Variants in ATF3 observed in about 807,000 individuals in gnomAD.
ATF3 encodes cyclic AMP-dependent transcription factor ATF-3.
ATF3 carries 10 observed loss-of-function variants against 18.4 expected under a neutral mutation model. That is an observed-to-expected ratio of 0.54 (90% confidence interval 0.34 to 0.92). ATF3 has a LOEUF of 0.92. ATF3 is among the 40% of genes least tolerant of loss of function. ATF3 has a pLI of 0.02. For synonymous variants in ATF3, 78 were observed against 87.9 expected (o/e 0.89, Z 0.63); for missense variants, 183 against 222.3 (o/e 0.82, Z 1.12).
chr1:212,603,513 C>A (rs1174973192), intron 1 of ATF3, among the ~76,000 whole-genome samples: 4 of 152,096 alleles, frequency 2.6e-5, no homozygotes, highest in Non-Finnish European at 4.4e-5. Context: ...ATTCTTTAAC[C>A]CCATTTAAGC....
At chr1:212,617,949 G>A (rs1201154409) in intron 2 of ATF3, among the ~76,000 whole-genome samples, 178 bp from the exon 3 acceptor site, 1 of 13,092 alleles carries the variant, frequency 7.6e-5, no homozygotes, top group Non-Finnish European at 2.7e-4. Flanking sequence ...GTGTGTGCGT[G>A]TGTGTGTGTG....
intron 1 of ATF3, among the ~76,000 whole-genome samples, chr1:212,597,386 G>A (rs752505090): frequency 2.0e-5 from 3 of 151,768 alleles, no homozygotes; most frequent in Admixed American, 6.6e-5. Context: ...TTACTAATGT[G>A]TTGTTATATT....
At chr1:212,609,381 G>A (rs568775324) in intron 1 of ATF3, among the ~76,000 whole-genome samples, 4 of 147,934 alleles carry the variant, frequency 2.7e-5, no homozygotes, top group Non-Finnish European at 6.1e-5. Context: ...CGGGTGGGGG[G>A]GGGGGGGCGC....
intron 1 of ATF3, 32 bp from the exon 2 acceptor site, chr1:212,614,986 T>C: frequency 6.2e-7 from 1 of 1,614,152 alleles, no homozygotes; most frequent in Middle Eastern, 1.6e-4. Context: ...CCAGAGCCCC[T>C]GAAACAGTTT....
At chr1:212,577,274 C>CT (rs34005217) in intron 1 of ATF3, among the ~76,000 whole-genome samples, 1 of 151,962 alleles carries the variant, frequency 6.6e-6, no homozygotes, top group South Asian at 2.1e-4. Flanking sequence ...TCTCTTTAAC[C>CT]TTTTTTTAAC....
In ATF3 at chr1:212,618,756, C is replaced by T. The variant is rs150433759; in HGVS notation, c.348+522C>T. 171 of 514,826 alleles carry T rather than the reference C, an allele frequency of 3.3e-4. No individual in the cohort carries two copies. Among genetic ancestry groups the T allele is most frequent in the African/African-American group, 2.6e-3 (135 of 52,166 alleles). 31.9% of individuals were successfully genotyped at this position (514,826 alleles called of 1,614,324 possible). A position where few individuals can be genotyped will look rare whatever the true frequency, so the allele number is the denominator to read the frequency against. ...AGCCCCTGGCTGCGTTCAGCCGGCC[C>T]GCCTGAGAGACACTAGGGGAAATAG... On this transcript the variant is annotated intron_variant, in intron 3 of 3. Coordinates refer to ENST00000341491, the MANE Select transcript of ATF3 (RefSeq NM_001674.4). This position sits in a 1 kb window ranked among gnomAD's most constrained non-coding sequence, Gnocchi z 4.4.
At chr1:212,577,010 C>T (rs1052190223) in intron 1 of ATF3, among the ~76,000 whole-genome samples, 47 of 152,016 alleles carry the variant, frequency 3.1e-4, no homozygotes, top group African/African-American at 1.1e-3. Context: ...GGATTACAGG[C>T]GTGAGCCACC....
At chr1:212,598,808 C>G (rs1223734913) in intron 1 of ATF3, among the ~76,000 whole-genome samples, 9 of 152,192 alleles carry the variant, frequency 5.9e-5, no homozygotes, top group Non-Finnish European at 1.3e-4. Context: ...TTTTTTATAA[C>G]TGAATAGTAC....
At chr1:212,606,454 G>A (rs1654625518), upstream of ATF3, among the ~76,000 whole-genome samples, 1 of 152,212 alleles carries the variant, frequency 6.6e-6, no homozygotes, top group East Asian at 1.9e-4. Context: ...TAACCCGACC[G>A]GGGTGTTGGG....
chr1:212,597,739 C>T (rs1395112650), intron 1 of ATF3, among the ~76,000 whole-genome samples: 1 of 152,012 alleles, frequency 6.6e-6, no homozygotes, highest in Non-Finnish European at 1.5e-5. Context: ...GTGTTGTTTC[C>T]ACTTACCACA....
chr1:212,601,502 G>C (rs1157309398), intron 1 of ATF3, among the ~76,000 whole-genome samples: 1 of 152,204 alleles, frequency 6.6e-6, no homozygotes, highest in African/African-American at 2.4e-5. Context: ...ATCGCTTAAT[G>C]TAAGTTTTGA....
chr1:212,610,444 A>G (rs1280611172), intron 1 of ATF3, among the ~76,000 whole-genome samples: 1 of 152,214 alleles, frequency 6.6e-6, no homozygotes, highest in Non-Finnish European at 1.5e-5. Flanking sequence ...GAATAATGCT[A>G]CAACATACAG....
rs954826329 is a variant in ATF3, at chr1:212,619,512, A to T, written c.503A>T (p.Asn168Ile). The T allele has an allele frequency of 3.1e-6, 5 of 1,613,984 alleles. No homozygotes were observed. The highest frequency in any genetic ancestry group is 4.2e-6 in the Non-Finnish European group (5 of 1,180,030). ...QNGRTPEDER[N>I]LFIQQIKEGT... ...GGGAGGACTCCAGAAGATGAGAGAA[A>T]CCTCTTTATCCAACAGATAAAAGAA... Residue 168 changes from asparagine (N) to isoleucine (I), a missense_variant, in exon 4 of 4, where the codon AAC (asparagine) becomes ATC (isoleucine). Physicochemically the swap from Asn to Ile is moderately radical, Grantham distance 149. Coordinates refer to ENST00000341491, the MANE Select transcript of ATF3 (RefSeq NM_001674.4). The surrounding 1 kb of genome is among the most constrained non-coding windows in gnomAD (Gnocchi z 4.4).
chr1:212,618,265 C>A lies in ATF3; in HGVS notation c.348+31C>A. 1 of 1,599,592 alleles carries A rather than the reference C, an allele frequency of 6.3e-7. No homozygotes were observed. Among genetic ancestry groups the A allele is most frequent in the Non-Finnish European group, 8.6e-7 (1 of 1,166,900 alleles). ...TGCCTTCTAGCCTTACCCTTCCTCT[C>A]GCTCACGCCTGTCTTCACCAGCTTC... On this transcript the variant is annotated intron_variant, in intron 3 of 3. Coordinates refer to ENST00000341491, the MANE Select transcript of ATF3 (RefSeq NM_001674.4). The surrounding 1 kb of genome is among the most constrained non-coding windows in gnomAD (Gnocchi z 4.4).
At chr1:212,598,041 C>T (rs549367087) in intron 1 of ATF3, among the ~76,000 whole-genome samples, 21 of 152,196 alleles carry the variant, frequency 1.4e-4, no homozygotes, top group Admixed American at 3.3e-4. Context: ...ATACACTCTT[C>T]GAAAGACACA....
intron 1 of ATF3, among the ~76,000 whole-genome samples, chr1:212,584,105 T>C (rs773367544): frequency 6.6e-6 from 1 of 152,108 alleles, no homozygotes; most frequent in Non-Finnish European, 1.5e-5. Flanking sequence ...ATAGTAGCTA[T>C]AATTATTTCT....
chr1:212,568,069 G>A (rs996672414), intron 1 of ATF3, among the ~76,000 whole-genome samples: 4 of 152,198 alleles, frequency 2.6e-5, no homozygotes, highest in African/African-American at 9.7e-5. Flanking sequence ...CTTAGAGCCT[G>A]CACATAGAAG....
intron 1 of ATF3, among the ~76,000 whole-genome samples, chr1:212,595,558 G>A (rs533121282): frequency 4.6e-5 from 7 of 152,320 alleles, no homozygotes; most frequent in African/African-American, 1.7e-4. Context: ...AAATGTGCGG[G>A]GAGTGGCTTT....
chr1:212,568,997 GT>G (rs1484878117), intron 1 of ATF3, among the ~76,000 whole-genome samples: 14 of 152,250 alleles, frequency 9.2e-5, no homozygotes, highest in Non-Finnish European at 1.6e-4. Context: ...ATTTAATAGG[GT>G]TTTTAAGTTA....
Sources: allele counts gnomAD v4.1 joint callset (sites outside exome capture counted in the v4.1 genomes callset), GRCh38; gene constraint gnomAD v4.1.1; non-coding constraint Gnocchi (gnomAD v3.1); transcripts MANE v1.5; gene names NCBI Gene and HGNC (gene_info 2026-07-23, HGNC 2026-07-21).